ACSF2: variants seen among roughly 807,000 people sequenced by gnomAD.
ACSF2 encodes the protein acyl-CoA synthetase family member 2.
Under a neutral mutation model 79.3 loss-of-function variants are expected in ACSF2, and 52 were observed. The ratio of observed to expected loss-of-function variants is 0.66; its 90% CI spans 0.53 to 0.83. ACSF2 has a LOEUF of 0.83. Among genes scored for constraint, ACSF2 ranks in the 40% least tolerant of loss-of-function variants. The probability of loss-of-function intolerance (pLI) is 0.00; values close to 1 mark genes in which losing one functional copy is unlikely to be tolerated. For synonymous variants in ACSF2, 283 were observed against 312.6 expected (o/e 0.91, Z 1.00); for missense variants, 661 against 803.3 (o/e 0.82, Z 2.14).
intron 1 of ACSF2, among the ~76,000 whole-genome samples, chr17:50,459,198 C>G (rs944960589): frequency 6.6e-6 from 1 of 152,208 alleles, no homozygotes; most frequent in East Asian, 1.9e-4. Context: ...TCATCCCCTT[C>G]GAGCCAAAGA....
At chr17:50,460,942 C>A in intron 2 of ACSF2, 70 bp downstream of exon 2, 2 of 1,505,930 alleles carry the variant, frequency 1.3e-6, no homozygotes, top group Non-Finnish European at 9.0e-7. Context: ...TGGGCAGAAC[C>A]AGGAGCGTGG....
intron 1 of ACSF2, among the ~76,000 whole-genome samples, chr17:50,459,990 C>T (rs1471774682): frequency 3.3e-5 from 5 of 152,192 alleles, no homozygotes; most frequent in Admixed American, 2.6e-4. Context: ...TGCCTGCCTG[C>T]CTTGTGACAT....
intron 1 of ACSF2, among the ~76,000 whole-genome samples, chr17:50,444,523 C>A (rs974496727): frequency 1.3e-5 from 2 of 151,916 alleles, no homozygotes; most frequent in African/African-American, 2.4e-5. Context: ...CCACTGCACT[C>A]CAGCCTGGCG....
At chr17:50,431,119 A>G (rs891738650) in intron 1 of ACSF2, among the ~76,000 whole-genome samples, 2 of 152,188 alleles carry the variant, frequency 1.3e-5, no homozygotes, top group African/African-American at 4.8e-5. Context: ...CGATATCCCT[A>G]TGCATTCCAC....
chr17:50,430,047 C>T (rs1915383474), intron 1 of ACSF2, among the ~76,000 whole-genome samples: 1 of 152,206 alleles, frequency 6.6e-6, no homozygotes, highest in Non-Finnish European at 1.5e-5. Context: ...GAGGCAGCTG[C>T]ATCCAGGGTG....
At chr17:50,468,569 A>C (rs750324201) in intron 10 of ACSF2, 7 of 1,614,114 alleles carry the variant, frequency 4.3e-6, no homozygotes, top group East Asian at 2.2e-5. Flanking sequence ...GCAGTGCTGC[A>C]GGTGCAATGA....
chr17:50,457,120 C>T (rs1042404666), intron 1 of ACSF2, among the ~76,000 whole-genome samples: 4 of 152,142 alleles, frequency 2.6e-5, no homozygotes, highest in African/African-American at 9.7e-5. Context: ...TCTGGGAAGT[C>T]CAGGTGTCAC....
At chr17:50,431,507 T>C (rs1703242214) in intron 1 of ACSF2, among the ~76,000 whole-genome samples, 2 of 152,208 alleles carry the variant, frequency 1.3e-5, no homozygotes, top group African/African-American at 2.4e-5. Flanking sequence ...TTGAAGCCTT[T>C]GTACTTCCGT....
chr17:50,431,742 C>T (rs1489931182), intron 1 of ACSF2, among the ~76,000 whole-genome samples: 3 of 152,132 alleles, frequency 2.0e-5, no homozygotes, highest in Non-Finnish European at 4.4e-5. Flanking sequence ...CATCCTCCTG[C>T]CTTGGCCTCA....
intron 10 of ACSF2, chr17:50,469,112 C>CCGCTACAG: frequency 9.0e-7 from 1 of 1,108,808 alleles, no homozygotes; most frequent in Admixed American, 4.5e-5. Flanking sequence ...GCTGTAGCCC[C>CCGCTACAG]CCGCTCTCCT....
chr17:50,469,971 G>C (rs930475851), intron 10 of ACSF2: 1 of 152,454 alleles, frequency 6.6e-6, no homozygotes, highest in African/African-American at 2.4e-5. Flanking sequence ...AGGGGAGGGT[G>C]AGCAGGCAGG....
At chr17:50,464,943 G>A (rs1380511026) in intron 10 of ACSF2, 2 of 354,558 alleles carry the variant, frequency 5.6e-6, no homozygotes, top group East Asian at 7.2e-5. Context: ...AGGCAGCTCT[G>A]TGCATCAGCA....
chr17:50,439,232 C>CCTTTTTTTTTTTTTTTTTT, intron 1 of ACSF2, among the ~76,000 whole-genome samples: 1 of 96,462 alleles, frequency 1.0e-5, no homozygotes. Context: ...TACCACACAG[C>CCTTTTTTTTTTTTTTTTTT]TTTTTTTTTT....
At position 50,457,665 on chromosome 17, in the gene ACSF2, C is replaced by G. The variant is rs1317162391; in HGVS notation, c.129-3012C>G. ...TTTGGTTCTCTTCTTTACCGAATAG[C>G]CTTAATCCGAGAGTTGAAATGATTT... On this transcript the variant is annotated intron_variant, in intron 1 of 15. Coordinates refer to ENST00000300441, the MANE Select transcript of ACSF2 (RefSeq NM_025149.6). Among the ~76,000 whole-genome samples the G allele has an allele frequency of 2.6e-5, 4 of 152,158 alleles. No homozygotes were observed. The East Asian group carries it at 7.7e-4, about 29-fold the overall frequency.
At chr17:50,468,446 G>T (rs1287589181) in intron 10 of ACSF2, 1 of 1,614,110 alleles carries the variant, frequency 6.2e-7, no homozygotes, top group Non-Finnish European at 8.5e-7. Context: ...GGTCAGCTCG[G>T]TCAGGTCGTC....
In ACSF2 at chr17:50,461,920, G is replaced by A. The variant is rs533369020; in HGVS notation, c.507+234G>A. Among the ~76,000 whole-genome samples, 5 of 141,532 alleles carry A rather than the reference G, an allele frequency of 3.5e-5. No homozygotes were observed. The South Asian group carries it at 1.2e-3, about 34-fold the overall frequency. The allele number at this position is 141,532 out of a possible 152,430, so 92.9% of individuals were successfully genotyped here. ...CAGGGACGGGGGCATGTGTGTGTCA[G>A]GGCAGAGGTGTGTGTGTGTGTGTGT... On this transcript the variant is annotated intron_variant, in intron 4 of 15. Coordinates refer to ENST00000300441, the MANE Select transcript of ACSF2 (RefSeq NM_025149.6).
chr17:50,455,939 C>T (rs1200272245), intron 1 of ACSF2, among the ~76,000 whole-genome samples: 1 of 152,184 alleles, frequency 6.6e-6, no homozygotes, highest in Non-Finnish European at 1.5e-5. Flanking sequence ...GTGACAGACC[C>T]TCCAGTGGGA....
At chr17:50,454,431 A>C (rs1020803284) in intron 1 of ACSF2, among the ~76,000 whole-genome samples, 7 of 152,156 alleles carry the variant, frequency 4.6e-5, no homozygotes, top group South Asian at 2.1e-4. Context: ...TCTGGGAGAC[A>C]GCCAGTCTGT....
intron 10 of ACSF2, among the ~76,000 whole-genome samples, chr17:50,469,673 C>A (rs563256911): frequency 6.6e-6 from 1 of 152,236 alleles, no homozygotes; most frequent in African/African-American, 2.4e-5. Flanking sequence ...CCTCCTTCAT[C>A]GCCCCGAAAT....
Sources: allele counts gnomAD v4.1 joint callset (sites outside exome capture counted in the v4.1 genomes callset), GRCh38; gene constraint gnomAD v4.1.1; transcripts MANE v1.5; gene names NCBI Gene and HGNC (gene_info 2026-07-23, HGNC 2026-07-21).